The following LHFPL3 variants were observed in gnomAD, a reference collection of about 807,000 sequenced individuals.
The protein encoded by LHFPL3 is LHFPL tetraspan subfamily member 3 protein.
A neutral mutation model predicts 19.3 loss-of-function variants in LHFPL3; 5 were observed. That is an observed-to-expected ratio of 0.26 (90% confidence interval 0.14 to 0.54). LHFPL3 has a LOEUF of 0.54. LHFPL3 is among the 20% of genes least tolerant of loss of function. LHFPL3 has a pLI of 0.94. For synonymous variants in LHFPL3, 133 were observed against 126.2 expected (o/e 1.05, Z -0.36); for missense variants, 249 against 307.4 (o/e 0.81, Z 1.42).
chr7:104,859,591 C>A (rs1262237476), intron 2 of LHFPL3, among the ~76,000 whole-genome samples: 1 of 152,034 alleles, frequency 6.6e-6, no homozygotes, highest in African/African-American at 2.4e-5. Context: ...ATCACTTGAA[C>A]CCGGAAGGCG....
At position 104,357,163 on chromosome 7, in the gene LHFPL3, C is replaced by G. The variant is rs535334401; in HGVS notation, c.445+27939C>G. Among the ~76,000 whole-genome samples the G allele has an allele frequency of 2.0e-5, 3 of 152,294 alleles. No homozygotes were observed. In the South Asian group the frequency reaches 6.2e-4, roughly 32 times the overall value. ...GGGAAGTCCCAAGTGATGTTGTGCACACAGAATTCTTCACCTACTGTACCT... is the reference window on the plus strand; with the variant it reads ...GGGAAGTCCCAAGTGATGTTGTGCAGACAGAATTCTTCACCTACTGTACCT... On this transcript the variant is annotated intron_variant, in intron 1 of 2. Transcript: ENST00000424859.
At chr7:104,393,797 C>T (rs1444557888) in intron 1 of LHFPL3, among the ~76,000 whole-genome samples, 2 of 152,076 alleles carry the variant, frequency 1.3e-5, no homozygotes, top group Non-Finnish European at 2.9e-5. Context: ...CTGTGTGCTA[C>T]AACATGAATG....
Position 104,567,406 on chromosome 7 carries a change from C to T in LHFPL3, c.446-169269C>T, listed in dbSNP as rs949155037. 3.3e-5 allele frequency among the ~76,000 whole-genome samples: 5 copies of T among 152,024 alleles called. No homozygotes were observed. In the South Asian group the frequency reaches 1.0e-3, roughly 32 times the overall value. ...CAGCTTTCATTCACTTTGGATATACCCATGTGTTTAGGGTGATATGGACTT... is the reference window on the plus strand; with the variant it reads ...CAGCTTTCATTCACTTTGGATATACTCATGTGTTTAGGGTGATATGGACTT... On this transcript the variant is annotated intron_variant, in intron 1 of 2. Transcript: ENST00000424859.
intron 1 of LHFPL3, among the ~76,000 whole-genome samples, chr7:104,643,566 A>G (rs921056022): frequency 4.6e-5 from 7 of 152,158 alleles, no homozygotes; most frequent in Non-Finnish European, 1.0e-4. Flanking sequence ...CAGTAAAGAA[A>G]TTGAGTGCCC....
chr7:104,851,409 C>T (rs1360739227), intron 2 of LHFPL3, among the ~76,000 whole-genome samples: 1 of 152,108 alleles, frequency 6.6e-6, no homozygotes, highest in African/African-American at 2.4e-5. Flanking sequence ...CAAGTTGCCC[C>T]TTCCTTCTTG....
chr7:104,542,813 A>G (rs747832898), intron 1 of LHFPL3, among the ~76,000 whole-genome samples: 11 of 152,202 alleles, frequency 7.2e-5, no homozygotes, highest in Non-Finnish European at 1.5e-4. Context: ...TATATACCCA[A>G]AGGATTAGAA....
intron 1 of LHFPL3, among the ~76,000 whole-genome samples, chr7:104,425,003 A>AAAAAAAAC (rs1791814012): frequency 6.8e-6 from 1 of 147,684 alleles, no homozygotes; most frequent in Admixed American, 6.7e-5. Context: ...AAAAAAAAAA[A>AAAAAAAAC]AAGAAGTATC....
intron 1 of LHFPL3, among the ~76,000 whole-genome samples, chr7:104,484,519 AG>A (rs1333769840): frequency 5.3e-5 from 8 of 152,304 alleles, no homozygotes; most frequent in African/African-American, 1.9e-4. Context: ...ATTTACTTTT[AG>A]ACTTACCTTC....
Position 104,812,220 on chromosome 7 carries a change from G to A in LHFPL3, c.682+75309G>A, listed in dbSNP as rs369254215. On this transcript the variant is annotated intron_variant, in intron 2 of 2. Coordinates refer to ENST00000424859, the MANE Select transcript of LHFPL3 (RefSeq NM_199000.3). ...AACTTCAATTCAGTAATTTGCTGGC[G>A]TGACCATTGCTGAAAGAGAGCCAGC... is the stretch of plus-strand genomic sequence containing the variant. 1.2e-3 allele frequency among the ~76,000 whole-genome samples: 189 copies of A among 152,300 alleles called. 1 individual carries two copies. Among genetic ancestry groups the A allele is most frequent in the African/African-American group, 4.1e-3 (171 of 41,568 alleles).
At chr7:104,821,720 T>C (rs1160071672) in intron 2 of LHFPL3, among the ~76,000 whole-genome samples, 2 of 152,196 alleles carry the variant, frequency 1.3e-5, no homozygotes, top group Non-Finnish European at 2.9e-5. Flanking sequence ...TTGCCATCTT[T>C]AAAGGCCTAA....
At chr7:104,520,008 C>T (rs1277339219) in intron 1 of LHFPL3, among the ~76,000 whole-genome samples, 1 of 151,904 alleles carries the variant, frequency 6.6e-6, no homozygotes, top group African/African-American at 2.4e-5. Flanking sequence ...TGAGAAAGGG[C>T]ATCCCTGTCT....
At chr7:104,438,184 A>G (rs1792149114) in intron 1 of LHFPL3, among the ~76,000 whole-genome samples, 1 of 152,202 alleles carries the variant, frequency 6.6e-6, no homozygotes, top group Non-Finnish European at 1.5e-5. Flanking sequence ...CTAGGGAGAG[A>G]TATAATATTT....
intron 1 of LHFPL3, among the ~76,000 whole-genome samples, chr7:104,360,017 A>G (rs1790360554): frequency 6.6e-6 from 1 of 152,292 alleles, no homozygotes; most frequent in Admixed American, 6.5e-5. Context: ...TAAGTGAGAT[A>G]GTTGCTTCAA....
intron 2 of LHFPL3, chr7:104,845,514 T>C: frequency 6.8e-7 from 1 of 1,472,056 alleles, no homozygotes; most frequent in Non-Finnish European, 9.0e-7. Flanking sequence ...CGCTGTTTTC[T>C]GATTCCCGCT....
At chr7:104,639,322 G>A (rs896725997) in intron 1 of LHFPL3, among the ~76,000 whole-genome samples, 1 of 151,988 alleles carries the variant, frequency 6.6e-6, no homozygotes, top group Admixed American at 6.6e-5. Flanking sequence ...ATGTGTCCAG[G>A]GATTTATCCA....
intron 1 of LHFPL3, among the ~76,000 whole-genome samples, chr7:104,411,708 C>CACA (rs979186604): frequency 2.6e-5 from 4 of 152,036 alleles, no homozygotes; most frequent in Non-Finnish European, 5.9e-5. Flanking sequence ...CAGCAGGACA[C>CACA]ACAGCACATA....
chr7:104,894,959 T>C (rs1301423366), intron 2 of LHFPL3: 1 of 152,190 alleles, frequency 6.6e-6, no homozygotes, highest in Non-Finnish European at 1.5e-5. Flanking sequence ...GAGAATCACC[T>C]GGGATCTCAA....
intron 1 of LHFPL3, among the ~76,000 whole-genome samples, chr7:104,570,496 T>C (rs749924034): frequency 1.3e-5 from 2 of 152,248 alleles, no homozygotes; most frequent in African/African-American, 2.4e-5. Flanking sequence ...GATTTGTACA[T>C]GTCTATTATG....
At chr7:104,750,360 C>A (rs192448748) in intron 2 of LHFPL3, among the ~76,000 whole-genome samples, 144 of 152,338 alleles carry the variant, frequency 9.5e-4, no homozygotes, top group African/African-American at 3.4e-3. Flanking sequence ...CCTTTCCTGT[C>A]GGATCAGTGC....
Sources: allele counts gnomAD v4.1 joint callset (sites outside exome capture counted in the v4.1 genomes callset), GRCh38; gene constraint gnomAD v4.1.1; transcripts MANE v1.5; gene names NCBI Gene and HGNC (gene_info 2026-07-23, HGNC 2026-07-21).